The following AGMO variants were observed in gnomAD, a reference collection of about 807,000 sequenced individuals.
The protein encoded by AGMO is glyceryl-ether monooxygenase.
AGMO carries 75 observed loss-of-function variants against 60.2 expected under a neutral mutation model. That is an observed-to-expected ratio of 1.25 (90% CI 1.03 to 1.51). The LOEUF is 1.51. AGMO is among the 40% of genes most tolerant of loss of function. The pLI, the probability that AGMO is intolerant of heterozygous loss-of-function variation, is 0.00. For synonymous variants in AGMO, 261 were observed against 177.1 expected, an observed-to-expected ratio of 1.47 and a Z score of -3.76; for missense variants, 763 against 525.5, an observed-to-expected ratio of 1.45 and a Z score of -4.42.
intron 12 of AGMO, among the ~76,000 whole-genome samples, chr7:15,330,085 A>C (rs987226840): frequency 6.6e-6 from 1 of 152,066 alleles, no homozygotes; most frequent in Non-Finnish European, 1.5e-5. Context: ...ATCTCTATTG[A>C]AGTTAATATA....
intron 12 of AGMO, among the ~76,000 whole-genome samples, chr7:15,221,928 A>G (rs1017910118): frequency 1.3e-5 from 2 of 152,212 alleles, no homozygotes; most frequent in Admixed American, 6.6e-5. Context: ...TAATATTTAT[A>G]TAGCATTACG....
chr7:15,422,567 A>T (rs1780955222), intron 4 of AGMO, among the ~76,000 whole-genome samples: 1 of 152,154 alleles, frequency 6.6e-6, no homozygotes, highest in Non-Finnish European at 1.5e-5. Flanking sequence ...AAATAAAAAA[A>T]CCCTCACATT....
intron 2 of AGMO, among the ~76,000 whole-genome samples, chr7:15,553,912 T>C (rs902975925): frequency 4.5e-4 from 68 of 152,118 alleles, no homozygotes; most frequent in African/African-American, 1.6e-3. Context: ...CCCACACACA[T>C]TAGCATGAAG....
chr7:15,402,060 T>C (rs888350606), intron 5 of AGMO, among the ~76,000 whole-genome samples: 3 of 152,124 alleles, frequency 2.0e-5, no homozygotes, highest in African/African-American at 7.2e-5. Context: ...TCTCATACAT[T>C]TATTATCTGA....
chr7:15,243,305 T>G (rs536169082), intron 12 of AGMO, among the ~76,000 whole-genome samples: 3 of 152,288 alleles, frequency 2.0e-5, no homozygotes, highest in African/African-American at 7.2e-5. Context: ...AGCATTATTC[T>G]CTAGACTATT....
In AGMO at chr7:15,354,507, T is replaced by C. The variant is rs1203365848; in HGVS notation, c.1263+11007A>G. ...GTATATACACACGTGTATATATATA[T>C]ATATATATATATATATATATATATA... On this transcript the variant is annotated intron_variant, in intron 12 of 12. Transcript: ENST00000342526. Among the ~76,000 whole-genome samples, 10 of 62,986 alleles carry C rather than the reference T, an allele frequency of 1.6e-4. 1 individual carries two copies. Among genetic ancestry groups the C allele is most frequent in the African/African-American group, 3.0e-4 (4 of 13,336 alleles). The allele number at this position is 62,986 out of a possible 152,430, so 41.3% of individuals were successfully genotyped here.
rs184855408 is a variant in AGMO, at chr7:15,493,443, G to A, written c.409+51329C>T. On this transcript the variant is annotated intron_variant, in intron 3 of 12. Transcript: ENST00000342526. ...GGCTGGAGTGCAGTGGCGCGATCTC[G>A]GCTCACTGCAAGCTCCGCCTCCCGG... Among the ~76,000 whole-genome samples the A allele has an allele frequency of 7.7e-3, 1,078 of 140,822 alleles. 14 individuals are homozygous for A. The highest frequency in any genetic ancestry group is 0.026 in the African/African-American group (973 of 36,886). 92.4% of individuals were successfully genotyped at this position (140,822 alleles called of 152,430 possible). A position where few individuals can be genotyped will look rare whatever the true frequency, so the allele number is the denominator to read the frequency against.
chr7:15,311,183 A>C (rs1208188490), intron 12 of AGMO, among the ~76,000 whole-genome samples: 1 of 152,192 alleles, frequency 6.6e-6, no homozygotes, highest in Non-Finnish European at 1.5e-5. Context: ...GCTAGATTAA[A>C]AAAAAATTAT....
Position 15,284,368 on chromosome 7 carries a change from A to G in AGMO, c.1263+81146T>C, listed in dbSNP as rs866578586. 3.7e-4 allele frequency among the ~76,000 whole-genome samples: 57 copies of G among 152,008 alleles called. 1 individual carries two copies. Among genetic ancestry groups the G allele is most frequent in the African/African-American group, 1.3e-3 (54 of 41,462 alleles). Reference sequence around the variant, plus strand: ...CAAGAAGAGAGAGGTTTCAAATAAGATTAAAAATGAAAATGAAGACATTAC... The same window carrying G: ...CAAGAAGAGAGAGGTTTCAAATAAGGTTAAAAATGAAAATGAAGACATTAC... On this transcript the variant is annotated intron_variant, in intron 12 of 12. Coordinates refer to ENST00000342526, the MANE Select transcript of AGMO (RefSeq NM_001004320.2).
intron 5 of AGMO, among the ~76,000 whole-genome samples, chr7:15,397,055 G>A (rs1049095008): frequency 1.3e-5 from 2 of 152,062 alleles, no homozygotes; most frequent in African/African-American, 4.8e-5. Context: ...GTCACCACCG[G>A]TCCCAGAAGC....
chr7:15,143,637 A>T, the AGMO span, among the ~76,000 whole-genome samples: 1 of 152,078 alleles, frequency 6.6e-6, no homozygotes, highest in African/African-American at 2.4e-5. Context: ...TCAGTGAAAC[A>T]AGATGAGCAG....
chr7:15,365,796 T>A (rs1782953242), intron 11 of AGMO, among the ~76,000 whole-genome samples, 177 bp from the exon 12 acceptor site: 1 of 152,078 alleles, frequency 6.6e-6, no homozygotes, highest in South Asian at 2.1e-4. Flanking sequence ...CTCATCTTTT[T>A]CGGGAAAATC....
intron 12 of AGMO, among the ~76,000 whole-genome samples, chr7:15,273,091 G>A (rs573575029): frequency 6.6e-6 from 1 of 152,276 alleles, no homozygotes; most frequent in South Asian, 2.1e-4. Context: ...TGCTCACTCT[G>A]ATGGTGGTTT....
chr7:15,304,093 G>A (rs1780535982), intron 12 of AGMO, among the ~76,000 whole-genome samples: 1 of 152,126 alleles, frequency 6.6e-6, no homozygotes, highest in Non-Finnish European at 1.5e-5. Context: ...ATGCCTTTAT[G>A]CAATGCTTGA....
chr7:15,195,660 T>C (rs536457844), downstream of AGMO, among the ~76,000 whole-genome samples: 1 of 152,294 alleles, frequency 6.6e-6, no homozygotes, highest in Admixed American at 6.5e-5. Context: ...TGCTGGCATT[T>C]ACCTGTGCAA....
chr7:15,180,133 T>G, the AGMO span, among the ~76,000 whole-genome samples: 2 of 152,170 alleles, frequency 1.3e-5, no homozygotes, highest in Non-Finnish European at 2.9e-5. Flanking sequence ...TCCACAGTAA[T>G]CTCTTTAGCA....
chr7:15,450,856 A>C (rs1194497537), intron 3 of AGMO, among the ~76,000 whole-genome samples: 1 of 152,178 alleles, frequency 6.6e-6, no homozygotes, highest in Non-Finnish European at 1.5e-5. Context: ...AACAACATAG[A>C]AATCCAAACA....
intron 3 of AGMO, among the ~76,000 whole-genome samples, chr7:15,539,883 G>C (rs1322404688): frequency 6.6e-6 from 1 of 151,804 alleles, no homozygotes; most frequent in Non-Finnish European, 1.5e-5. Context: ...TTTCTGTAAT[G>C]ATTAGTGATG....
At chr7:15,381,953 T>TA (rs1783710331) in intron 10 of AGMO, among the ~76,000 whole-genome samples, 2 of 151,982 alleles carry the variant, frequency 1.3e-5, no homozygotes, top group African/African-American at 4.8e-5. Context: ...TTCTCACTTG[T>TA]AAGTGGGAGC....
Sources: gnomAD v4.1 joint callset for allele counts (sites outside exome capture counted in the v4.1 genomes callset) on GRCh38, gnomAD v4.1.1 for gene constraint, MANE v1.5 for transcripts, NCBI Gene and HGNC (gene_info 2026-07-23, HGNC 2026-07-21) for gene names.